Variants in FRMD7 observed in about 807,000 individuals in gnomAD.
FRMD7 encodes the protein FERM domain-containing protein 7.
In FRMD7, 14 loss-of-function variants were observed where a neutral mutation model predicts 44.1. The observed-to-expected ratio is 0.32, with a 90% confidence interval of 0.21 to 0.50. FRMD7 has a LOEUF of 0.50. Among genes scored for constraint, FRMD7 ranks in the 20% least tolerant of loss-of-function variants. The pLI, the probability that FRMD7 is intolerant of heterozygous loss-of-function variation, is 0.99. For missense variants in FRMD7, 501 were observed against 522.3 expected (o/e 0.96, Z 0.40); for synonymous variants, 212 against 187.4 (o/e 1.13, Z -1.07).
intron 5 of FRMD7, among the ~76,000 whole-genome samples, chrX:132,086,309 A>G (rs1184455735): frequency 9.0e-6 from 1 of 111,323 alleles, no homozygotes; most frequent in East Asian, 2.8e-4. Flanking sequence ...ATCACAGTTG[A>G]ACATTTTGTT....
chrX:132,091,007 C>T (rs1445231980), intron 5 of FRMD7, among the ~76,000 whole-genome samples: 2 of 111,280 alleles, frequency 1.8e-5, no homozygotes, highest in Non-Finnish European at 3.8e-5. Flanking sequence ...ATCCTTTTAT[C>T]TAGTCTCCCC....
chrX:132,090,467 A>G (rs1928133607), intron 5 of FRMD7, among the ~76,000 whole-genome samples: 1 of 111,813 alleles, frequency 8.9e-6, no homozygotes, highest in African/African-American at 3.3e-5. Flanking sequence ...AAAATACCCC[A>G]TATTTTATCA....
In FRMD7 at chrX:132,097,239, G is replaced by A. The variant is rs201610134; in HGVS notation, c.284+27C>T. The A allele has an allele frequency of 1.4e-5, 14 of 989,406 alleles. No individual in the cohort carries two copies. The South Asian group carries it at 1.7e-4, about 12-fold the overall frequency. 81.5% of individuals were successfully genotyped at this position (989,406 alleles called of 1,213,427 possible). A position where few individuals can be genotyped will look rare whatever the true frequency, so the allele number is the denominator to read the frequency against. On this transcript the variant is annotated intron_variant, in intron 4 of 11. Coordinates refer to ENST00000298542, the MANE Select transcript of FRMD7 (RefSeq NM_194277.3). ...AATAATGATTCTTAAGTAACATCAT[G>A]CAGAGACACACAGGTAATCACTATA...
intron 5 of FRMD7, among the ~76,000 whole-genome samples, chrX:132,086,398 C>T (rs185139735): frequency 9.0e-6 from 1 of 111,571 alleles, no homozygotes; most frequent in African/African-American, 3.3e-5. Context: ...ACTATGTCCC[C>T]ACCCTCTGCC....
At chrX:132,115,822 A>T (rs908450481) in intron 1 of FRMD7, among the ~76,000 whole-genome samples, 1 of 111,761 alleles carries the variant, frequency 8.9e-6, no homozygotes, top group East Asian at 2.8e-4. Flanking sequence ...AAATGCAGAA[A>T]TGAATAAACA....
intron 8 of FRMD7, 98 bp downstream of exon 8, chrX:132,084,388 GGCCA>G (rs1473415816): frequency 2.5e-5 from 14 of 563,922 alleles, no homozygotes; most frequent in Non-Finnish European, 4.5e-5. Context: ...CATCACTCAG[GGCCA>G]GCCGGCTTTT....
chrX:132,087,328 T>C (rs1928024853), intron 5 of FRMD7, among the ~76,000 whole-genome samples: 2 of 111,566 alleles, frequency 1.8e-5, no homozygotes, highest in Admixed American at 1.9e-4. Flanking sequence ...CATGGAATCC[T>C]ATGGTGCTCT....
intron 1 of FRMD7, among the ~76,000 whole-genome samples, chrX:132,102,486 G>A (rs960896200): frequency 4.5e-5 from 5 of 111,832 alleles, no homozygotes; most frequent in African/African-American, 1.6e-4. Context: ...TGCCAGGGAG[G>A]GCCTGTTTAT....
intron 3 of FRMD7, among the ~76,000 whole-genome samples, chrX:132,097,654 C>G (rs1185298236): frequency 9.0e-6 from 1 of 111,470 alleles, no homozygotes; most frequent in African/African-American, 3.3e-5. Flanking sequence ...TCCTAAGTAT[C>G]CCATTCAGAA....
Position 132,079,021 on chromosome X carries a change from G to A in FRMD7, c.1051-55C>T, listed in dbSNP as rs571223039. On this transcript the variant is annotated intron_variant, in intron 11 of 11. Transcript: ENST00000298542. The stretch of plus-strand genomic sequence containing the variant: ...AGGAAAAGGCCATTTGGTTAGGGCT[G>A]GGGGAGGGATCTAAATTAGCCTCAA... 292 of 1,027,196 alleles carry A rather than the reference G, an allele frequency of 2.8e-4. 1 individual carries two copies. The South Asian group carries it at 3.9e-3, about 14-fold the overall frequency. 84.7% of individuals were successfully genotyped at this position (1,027,196 alleles called of 1,213,427 possible).
intron 1 of FRMD7, among the ~76,000 whole-genome samples, chrX:132,102,020 C>A (rs12156983): frequency 0.083 from 9,205 of 110,796 alleles, 360 homozygotes; most frequent in Non-Finnish European, 0.11. Flanking sequence ...GGAAGCCAGG[C>A]GCGGGGAAAT....
chrX:132,115,521 C>T (rs759926933), intron 1 of FRMD7, among the ~76,000 whole-genome samples: 6 of 111,952 alleles, frequency 5.4e-5, no homozygotes, highest in Non-Finnish European at 3.8e-5. Context: ...TTGTGGGAAA[C>T]CTGAGAAGGG....
intron 5 of FRMD7, among the ~76,000 whole-genome samples, chrX:132,087,479 A>C (rs1479417108): frequency 1.8e-5 from 2 of 111,409 alleles, no homozygotes; most frequent in Non-Finnish European, 3.8e-5. Context: ...CAATATAATA[A>C]AAATCTCCAT....
intron 8 of FRMD7, 97 bp from the exon 9 acceptor site, chrX:132,082,623 G>T: frequency 1.2e-6 from 1 of 802,354 alleles, no homozygotes; most frequent in Non-Finnish European, 1.9e-6. Flanking sequence ...GTTGGCCCAT[G>T]CAGCTTCTGA....
chrX:132,104,304 AT>A (rs35091892), intron 1 of FRMD7, among the ~76,000 whole-genome samples: 12 of 109,389 alleles, frequency 1.1e-4, no homozygotes, highest in Middle Eastern at 9.2e-3. Context: ...ACGTGTCTGA[AT>A]TTTTTTTTTA....
intron 1 of FRMD7, among the ~76,000 whole-genome samples, chrX:132,113,652 G>A (rs747713079): frequency 9.0e-5 from 10 of 110,771 alleles, no homozygotes; most frequent in South Asian, 3.9e-4. Flanking sequence ...TTTAATTTAC[G>A]TGGGTACATA....
At chrX:132,103,318 C>T (rs1928554781) in intron 1 of FRMD7, among the ~76,000 whole-genome samples, 1 of 111,578 alleles carries the variant, frequency 9.0e-6, no homozygotes, top group Admixed American at 9.6e-5. Flanking sequence ...TTTCTCTGGA[C>T]TTCTGATTCT....
At chrX:132,109,758 C>T (rs918985173) in intron 1 of FRMD7, among the ~76,000 whole-genome samples, 1 of 111,797 alleles carries the variant, frequency 8.9e-6, no homozygotes, top group Non-Finnish European at 1.9e-5. Context: ...ACAGATGGGA[C>T]ATCTAAGCTG....
chrX:132,087,230 A>T (rs1373301881), intron 5 of FRMD7, among the ~76,000 whole-genome samples: 3 of 111,873 alleles, frequency 2.7e-5, no homozygotes, highest in Admixed American at 9.5e-5. Context: ...CTTGGTTCTA[A>T]AGTGAGACTT....
Sources: gnomAD v4.1 joint callset for allele counts (sites outside exome capture counted in the v4.1 genomes callset) on GRCh38, gnomAD v4.1.1 for gene constraint, MANE v1.5 for transcripts, NCBI Gene and HGNC (gene_info 2026-07-23, HGNC 2026-07-21) for gene names.